CFAP299: variants seen among roughly 807,000 people sequenced by gnomAD.
The protein encoded by CFAP299 is cilia- and flagella-associated protein 299.
CFAP299 carries 21 observed loss-of-function variants against 27.0 expected under a neutral mutation model. The observed-to-expected ratio is 0.78, with a 90% CI of 0.55 to 1.12. CFAP299 has a LOEUF of 1.12. CFAP299 is among the 50% of genes most tolerant of loss of function. CFAP299 has a pLI of 0.00. For synonymous variants in CFAP299, 104 were observed against 98.1 expected (o/e 1.06, Z -0.36); for missense variants, 310 against 276.6 (o/e 1.12, Z -0.86).
intron 2 of CFAP299, among the ~76,000 whole-genome samples, chr4:80,518,312 A>G (rs374548660): frequency 2.0e-5 from 3 of 152,308 alleles, no homozygotes; most frequent in African/African-American, 7.2e-5. Flanking sequence ...AGAGCACTAC[A>G]TAAGCCATTA....
Position 80,604,160 on chromosome 4 carries a change from C to T in CFAP299, c.333+20977C>T, listed in dbSNP as rs550921709. Among the ~76,000 whole-genome samples, 7 of 152,158 alleles carry T rather than the reference C, an allele frequency of 4.6e-5. No homozygotes were observed. The South Asian group carries it at 1.5e-3, about 32-fold the overall frequency. On this transcript the variant is annotated intron_variant, in intron 3 of 5. Coordinates refer to ENST00000358105, the MANE Select transcript of CFAP299 (RefSeq NM_152770.3). ...CCCAAATCAAAAGAAAACTTTAAAGCCTTATAACAGAAACACTGTCTTAAA... is the reference window on the plus strand; with the variant it reads ...CCCAAATCAAAAGAAAACTTTAAAGTCTTATAACAGAAACACTGTCTTAAA...
intron 4 of CFAP299, among the ~76,000 whole-genome samples, chr4:80,888,779 A>G (rs1450525779): frequency 6.6e-6 from 1 of 152,046 alleles, no homozygotes; most frequent in Non-Finnish European, 1.5e-5. Flanking sequence ...ATGTTCTGAA[A>G]CCACAATGGA....
At chr4:80,478,031 C>G (rs76656559) in intron 2 of CFAP299, among the ~76,000 whole-genome samples, 7,268 of 152,198 alleles carry the variant, frequency 0.048, 383 homozygotes, top group East Asian at 0.25. Flanking sequence ...TTTACTCTCC[C>G]GCTGTCCTAA....
chr4:80,794,460 C>T (rs1229532717), intron 3 of CFAP299, among the ~76,000 whole-genome samples: 2 of 151,996 alleles, frequency 1.3e-5, no homozygotes, highest in African/African-American at 4.8e-5. Flanking sequence ...CTCTGATTCA[C>T]GGGTCTTCTG....
chr4:80,800,212 T>C (rs1366203731), intron 3 of CFAP299, among the ~76,000 whole-genome samples: 1 of 73,472 alleles, frequency 1.4e-5, no homozygotes, highest in Non-Finnish European at 2.3e-5. Context: ...TAATATATAA[T>C]ATATATTATA....
intron 3 of CFAP299, among the ~76,000 whole-genome samples, chr4:80,711,814 A>T (rs1722190933): frequency 6.6e-6 from 1 of 152,212 alleles, no homozygotes; most frequent in Non-Finnish European, 1.5e-5. Flanking sequence ...TCATCAAATG[A>T]GGCAACTTCA....
intron 2 of CFAP299, among the ~76,000 whole-genome samples, chr4:80,445,484 T>C (rs910922913): frequency 6.6e-6 from 1 of 151,816 alleles, no homozygotes; most frequent in African/African-American, 2.4e-5. Context: ...TGAGAACACA[T>C]GGACACAGGG....
chr4:80,380,630 T>A (rs1017274908), intron 2 of CFAP299, among the ~76,000 whole-genome samples: 5 of 152,122 alleles, frequency 3.3e-5, no homozygotes, highest in African/African-American at 1.2e-4. Context: ...GGTTTTGCCA[T>A]GTTGGCCAGG....
intron 4 of CFAP299, among the ~76,000 whole-genome samples, chr4:80,936,546 A>G (rs186812241): frequency 6.6e-6 from 1 of 152,252 alleles, no homozygotes; most frequent in Non-Finnish European, 1.5e-5. Context: ...ACAGAAAACC[A>G]AGTAACATAT....
Position 80,870,260 on chromosome 4 carries a change from T to G in CFAP299, c.476+125T>G. On this transcript the variant is annotated intron_variant, in intron 4 of 5. Transcript: ENST00000358105. ...AATGTGATATAACTGGTTATTAATA[T>G]GAAAATAACTAAATCTTAAAATAAG... 6.1e-6 allele frequency: 8 copies of G among 1,304,558 alleles called. No homozygotes were observed. In the South Asian group the frequency reaches 1.8e-4, roughly 30 times the overall value. 80.8% of individuals were successfully genotyped at this position (1,304,558 alleles called of 1,614,324 possible). A position where few individuals can be genotyped will look rare whatever the true frequency, so the allele number is the denominator to read the frequency against.
intron 3 of CFAP299, among the ~76,000 whole-genome samples, chr4:80,676,622 A>C (rs995522147): frequency 6.6e-6 from 1 of 151,922 alleles, no homozygotes; most frequent in Admixed American, 6.6e-5. Context: ...TATAGCTTCA[A>C]TTTGATTACT....
chr4:80,742,364 AT>A (rs1264238319), intron 3 of CFAP299, among the ~76,000 whole-genome samples: 1 of 152,188 alleles, frequency 6.6e-6, no homozygotes, highest in African/African-American at 2.4e-5. Flanking sequence ...CTTTACATTT[AT>A]TTATTGATTT....
At chr4:80,344,139 C>G (rs1476124364) in intron 1 of CFAP299, among the ~76,000 whole-genome samples, 1 of 151,978 alleles carries the variant, frequency 6.6e-6, no homozygotes, top group South Asian at 2.1e-4. Context: ...CAGGAAATAA[C>G]CAACATCAGA....
intron 2 of CFAP299, among the ~76,000 whole-genome samples, chr4:80,455,871 C>T (rs550063400): frequency 6.6e-6 from 1 of 151,736 alleles, no homozygotes; most frequent in South Asian, 2.1e-4. Context: ...CCAAGGAATA[C>T]AGTAGTGATC....
At chr4:80,962,223 T>C (rs1007206404) in intron 5 of CFAP299, among the ~76,000 whole-genome samples, 4 of 151,982 alleles carry the variant, frequency 2.6e-5, no homozygotes, top group African/African-American at 9.7e-5. Context: ...CATGCAGCTA[T>C]AACATAAATT....
intron 2 of CFAP299, among the ~76,000 whole-genome samples, chr4:80,367,039 G>A (rs938457510): frequency 1.3e-5 from 2 of 152,114 alleles, no homozygotes; most frequent in Non-Finnish European, 2.9e-5. Flanking sequence ...TGGTTTCCAA[G>A]GACTGGATGG....
At chr4:80,841,846 C>T (rs1363754234) in intron 3 of CFAP299, among the ~76,000 whole-genome samples, 1 of 152,000 alleles carries the variant, frequency 6.6e-6, no homozygotes, top group African/African-American at 2.4e-5. Flanking sequence ...GGCCTTCTTA[C>T]CTCTTTTTAA....
chr4:80,533,717 C>A (rs1177158106), intron 2 of CFAP299, among the ~76,000 whole-genome samples: 1 of 152,114 alleles, frequency 6.6e-6, no homozygotes, highest in East Asian at 1.9e-4. Flanking sequence ...TAATGCAAAT[C>A]AATTTTACAT....
intron 2 of CFAP299, among the ~76,000 whole-genome samples, chr4:80,502,640 T>C (rs1731800945): frequency 6.6e-6 from 1 of 152,112 alleles, no homozygotes; most frequent in African/African-American, 2.4e-5. Context: ...TGAACACCTC[T>C]TTCTTGGTTT....
Sources: allele counts gnomAD v4.1 joint callset (sites outside exome capture counted in the v4.1 genomes callset), GRCh38; gene constraint gnomAD v4.1.1; transcripts MANE v1.5; gene names NCBI Gene and HGNC (gene_info 2026-07-23, HGNC 2026-07-21).